Variants in ATP8B3 observed in about 807,000 individuals in gnomAD.
ATP8B3 encodes the protein phospholipid-transporting ATPase IK.
A neutral mutation model predicts 140.9 loss-of-function variants in ATP8B3; 141 were observed. That is an observed-to-expected ratio of 1.00 (90% confidence interval 0.87 to 1.15). The LOEUF (loss-of-function observed/expected upper bound fraction) is 1.15. ATP8B3 is among the 50% of genes most tolerant of loss of function. ATP8B3 has a pLI of 0.00. For missense variants in ATP8B3, 1,874 were observed against 1,740.6 expected, an observed-to-expected ratio of 1.08 and a Z score of -1.36; for synonymous variants, 765 against 714.6, an observed-to-expected ratio of 1.07 and a Z score of -1.13.
At position 1,806,685 on chromosome 19, in the gene ATP8B3, C is replaced by T; in HGVS notation, c.620G>A (p.Arg207Lys). Residue 207 changes from arginine (R) to lysine (K), a missense_variant, in exon 7 of 29, where the codon AGA becomes AAA. Arg to Lys is a conservative substitution (Grantham distance 26). Around this residue, in one of 3 missense-constraint regions of ATP8B3, gnomAD observed 1,032 missense variants for 963.6 expected, o/e 1.07. Coordinates refer to ENST00000310127, the MANE Select transcript of ATP8B3 (RefSeq NM_138813.4). This position sits in a 1 kb window ranked among gnomAD's most constrained non-coding sequence, Gnocchi z 5.6. ...ATRDLVDDMG[R>K]HKSDRAINNR... ...GTTGATGGCTCTGTCACTCTTGTGT[C>T]TCCCCTGGGCCAGGAGGGAAAGGAT... The T allele has an allele frequency of 1.3e-6, 2 of 1,562,018 alleles. No individual in the cohort carries two copies. The highest frequency in any genetic ancestry group is 1.7e-6 in the Non-Finnish European group (2 of 1,153,534).
Position 1,785,253 on chromosome 19 carries a change from G to T in ATP8B3, c.3438C>A (p.Thr1146=). Residue 1146 remains threonine, a synonymous_variant, in exon 27 of 29, where the codon ACC becomes ACA. Coordinates refer to ENST00000310127, the MANE Select transcript of ATP8B3 (RefSeq NM_138813.4). ...IKYWTALCVA[T]ILLSLGFYAI... ...CGTAGAAACCAAGGCTGAGGAGGAT[G>T]GTCGCCACGCACAGGGCGGTCCAGT... 1 of 1,609,772 alleles carries T rather than the reference G, an allele frequency of 6.2e-7. No homozygotes were observed. The highest frequency in any genetic ancestry group is 1.1e-5 in the South Asian group (1 of 90,360).
At position 1,782,144 on chromosome 19, in the gene ATP8B3, G is replaced by T; in HGVS notation, c.*884C>A. 1 of 203,256 alleles carries T rather than the reference G, an allele frequency of 4.9e-6. No individual in the cohort carries two copies. 12.6% of individuals were successfully genotyped at this position (203,256 alleles called of 1,614,324 possible). A position where few individuals can be genotyped will look rare whatever the true frequency, so the allele number is the denominator to read the frequency against. ...AGCATGTGGAGTCCTTGTCTTTAGA[G>T]GAAGGCCCCCTGCATGCTGGTTGAC... On this transcript the variant is annotated 3_prime_UTR_variant, in exon 29 of 29. Coordinates refer to ENST00000310127, the MANE Select transcript of ATP8B3 (RefSeq NM_138813.4).
intron 19 of ATP8B3, 69 bp from the exon 20 acceptor site, chr19:1,791,930 G>A (rs1210249021): frequency 6.3e-7 from 1 of 1,592,076 alleles, no homozygotes; most frequent in Non-Finnish European, 8.5e-7. Context: ...GGGGGCAGGA[G>A]AGTCCCAGGG....
rs565021629 is a variant in ATP8B3 at position 1,800,622 on chromosome 19, C to T, written c.1153-173G>A. ...ATGGCTTGACGTCAGGAGTTCAAGA[C>T]CAGCCTGGGCGACAAAGTGAGACCT... is the stretch of plus-strand genomic sequence containing the variant. On this transcript the variant is annotated intron_variant, in intron 12 of 28. Transcript: ENST00000310127. The surrounding 1 kb of genome is among the most constrained non-coding windows in gnomAD (Gnocchi z 4.4). Among the ~76,000 whole-genome samples the T allele has an allele frequency of 6.6e-6, 1 of 152,072 alleles. No homozygotes were observed. Among genetic ancestry groups the T allele is most frequent in the African/African-American group, 2.4e-5 (1 of 41,394 alleles).
At chr19:1,783,703 C>T (rs2068223615) in intron 28 of ATP8B3, among the ~76,000 whole-genome samples, 1 of 152,222 alleles carries the variant, frequency 6.6e-6, no homozygotes, top group Admixed American at 6.5e-5. Flanking sequence ...CCAGCCTGTG[C>T]AGTAAAGGTG....
chr19:1,810,267 C>CA (rs2069149715), intron 3 of ATP8B3, among the ~76,000 whole-genome samples: 1 of 152,034 alleles, frequency 6.6e-6, no homozygotes, highest in Non-Finnish European at 1.5e-5. Flanking sequence ...GCACTTTTTT[C>CA]TTTTTTTTGA....
In ATP8B3 at chr19:1,811,631, C is replaced by A; in HGVS notation, c.106G>T (p.Glu36Ter). ...CGGATGCCAGCAGGACCTGAGCCTT[C>A]CTGAGTCACGTCTGAGTCACCCGTG... ...GDTGDSDVTQEGSGPAGIRGG... is the reference protein window; with the variant it reads ...GDTGDSDVTQ Residue 36 changes from glutamate to a stop codon, truncating the protein, a stop_gained, in exon 2 of 29, where the codon GAA (glutamate) becomes TAA (stop). Coordinates refer to ENST00000310127, the MANE Select transcript of ATP8B3 (RefSeq NM_138813.4). LOFTEE classifies it high-confidence loss of function. 1.2e-6 allele frequency: 2 copies of A among 1,611,822 alleles called. No individual in the cohort carries two copies. The highest frequency in any genetic ancestry group is 1.7e-6 in the Non-Finnish European group (2 of 1,179,804).
Position 1,802,054 on chromosome 19 carries a change from T to C in ATP8B3, c.1064-10A>G, listed in dbSNP as rs1430719476. 6 of 1,596,970 alleles carry C rather than the reference T, an allele frequency of 3.8e-6. No homozygotes were observed. Among genetic ancestry groups the C allele is most frequent in the African/African-American group, 1.4e-5 (1 of 73,864 alleles). ...ATTTTTGTGTCAAAACCTACAAACA[T>C]GTATCCATCTATCCACCCACCCACC... On this transcript the variant is annotated splice_polypyrimidine_tract_variant and intron_variant, in intron 11 of 28. Transcript: ENST00000310127.
Position 1,803,919 on chromosome 19 carries a change from A to G in ATP8B3, c.905-1274T>C, listed in dbSNP as rs911707817. ...CTCAAAAAAAAAAAAAAAAAAAAAAAGGAACCTTTAGCCAAGTTCTGGGAC... is the reference window on the plus strand; with the variant it reads ...CTCAAAAAAAAAAAAAAAAAAAAAAGGGAACCTTTAGCCAAGTTCTGGGAC... On this transcript the variant is annotated intron_variant, in intron 10 of 28. Transcript: ENST00000310127. Among the ~76,000 whole-genome samples, 18 of 147,374 alleles carry G rather than the reference A, an allele frequency of 1.2e-4. No homozygotes were observed. In the South Asian group the frequency reaches 4.0e-3, roughly 32 times the overall value.
chr19:1,801,934 G>T (rs777241207), intron 12 of ATP8B3, 22 bp downstream of exon 12: 18 of 1,585,370 alleles, frequency 1.1e-5, no homozygotes, highest in Non-Finnish European at 1.5e-5. Context: ...TCCTGGGGCA[G>T]GGGCACTTGT....
chr19:1,785,541 G>A lies in ATP8B3; in HGVS notation c.3321C>T (p.Pro1107=), dbSNP rs772876130. 10 of 1,612,688 alleles carry A rather than the reference G, an allele frequency of 6.2e-6. No homozygotes were observed. Among genetic ancestry groups the A allele is most frequent in the Non-Finnish European group, 8.5e-6 (10 of 1,179,870 alleles). ...AGGACTGGTGGTCGCTGAAGCTGGCGGGTCCCGCCGTGTCGCGGCTGATCC... is the reference window on the plus strand; with the variant it reads ...AGGACTGGTGGTCGCTGAAGCTGGCAGGTCCCGCCGTGTCGCGGCTGATCC... ...TLWISRDTAG[P]ASFSDHQSFA... The change falls in exon 26 of 29, where the codon CCC becomes CCT. Residue 1107 remains proline (P), a synonymous_variant. Transcript: ENST00000310127.
chr19:1,795,115 C>T (rs1294828428), intron 18 of ATP8B3, among the ~76,000 whole-genome samples: 1 of 151,720 alleles, frequency 6.6e-6, no homozygotes, highest in East Asian at 1.9e-4. Context: ...ATTGGCCGGG[C>T]GTGGTGGCGG....
At chr19:1,799,134 C>T (rs942673866) in intron 14 of ATP8B3, 1 of 149,442 alleles carries the variant, frequency 6.7e-6, no homozygotes, top group African/African-American at 2.5e-5. Context: ...CAGAGCAAGA[C>T]CCCATCTCAA....
Position 1,796,783 on chromosome 19 carries a change from C to G in ATP8B3, c.1681G>C (p.Val561Leu), listed in dbSNP as rs201710612. The G allele has an allele frequency of 1.4e-5, 22 of 1,612,334 alleles. No homozygotes were observed. The African/African-American group carries it at 2.5e-4, about 19-fold the overall frequency. ...GCCAGCAGGCGCCAGAACTCCCGCA[C>G]GGCCTCGTCCCCGTTGGTCCGCACG... ...HLVRTNGDEA[V>L]REFWRLLAIC... The change falls in exon 16 of 29, where the codon GTG (valine) becomes CTG (leucine). Residue 561 changes from valine to leucine, a missense_variant. Physicochemically the swap from Val to Leu is conservative, Grantham distance 32. Transcript: ENST00000310127.
At position 1,800,659 on chromosome 19, in the gene ATP8B3, A is replaced by G. The variant is rs1021969376; in HGVS notation, c.1153-210T>C. Among the ~76,000 whole-genome samples, 7 of 152,034 alleles carry G rather than the reference A, an allele frequency of 4.6e-5. No homozygotes were observed. The highest frequency in any genetic ancestry group is 8.8e-5 in the Non-Finnish European group (6 of 68,016). On this transcript the variant is annotated intron_variant, in intron 12 of 28. Transcript: ENST00000310127. The surrounding 1 kb of genome is among the most constrained non-coding windows in gnomAD (Gnocchi z 4.4). ...ACAAAGTGAGACCTCATCTCGACGA[A>G]AAACTTAAAAAATAAATTAGTCAGG...
At chr19:1,785,752 G>GCCCCCCCC in intron 25 of ATP8B3, 44 bp from the exon 26 acceptor site, 2 of 1,039,644 alleles carry the variant, frequency 1.9e-6, no homozygotes, top group Non-Finnish European at 2.8e-6. Flanking sequence ...GGGGGCGGGG[G>GCCCCCCCC]ACACCCAACA....
At chr19:1,803,459 C>T (rs2068915281) in intron 10 of ATP8B3, among the ~76,000 whole-genome samples, 1 of 152,204 alleles carries the variant, frequency 6.6e-6, no homozygotes, top group Non-Finnish European at 1.5e-5. Context: ...CAGTGTCTTC[C>T]TCTGAAAAAT....
intron 4 of ATP8B3, among the ~76,000 whole-genome samples, 156 bp downstream of exon 4, chr19:1,809,487 A>C (rs1439119115): frequency 6.6e-6 from 1 of 152,060 alleles, no homozygotes; most frequent in African/African-American, 2.4e-5. Context: ...TCTCAAAAAA[A>C]AAAAAGAAAG....
At position 1,810,818 on chromosome 19, in the gene ATP8B3, G is replaced by A. The variant is rs971011457; in HGVS notation, c.249-135C>T. ...TCCCACACTCATCTGCAGCCTCCCCGCCAGGCTCTGAATGTCCAGCCATAG... is the reference window on the plus strand; with the variant it reads ...TCCCACACTCATCTGCAGCCTCCCCACCAGGCTCTGAATGTCCAGCCATAG... On this transcript the variant is annotated intron_variant, in intron 2 of 28. Coordinates refer to ENST00000310127, the MANE Select transcript of ATP8B3 (RefSeq NM_138813.4). 2.6e-5 allele frequency: 20 copies of A among 759,616 alleles called. No individual in the cohort carries two copies. The South Asian group carries it at 3.2e-4, about 12-fold the overall frequency. 47.1% of individuals were successfully genotyped at this position (759,616 alleles called of 1,614,324 possible).
Sources: allele counts gnomAD v4.1 joint callset (sites outside exome capture counted in the v4.1 genomes callset), GRCh38; gene constraint gnomAD v4.1.1; regional missense constraint gnomAD v4.1.1; non-coding constraint Gnocchi (gnomAD v3.1); transcripts MANE v1.5; gene names NCBI Gene and HGNC (gene_info 2026-07-23, HGNC 2026-07-21).